The following DRC8 variants were observed in gnomAD, a reference collection of about 807,000 sequenced individuals.
The protein encoded by DRC8 is dynein regulatory complex subunit 8, also known as dynein regulatory complex protein 8.
chr1:245,096,697 GT>G, the DRC8 span, among the ~76,000 whole-genome samples: 1 of 152,236 alleles, frequency 6.6e-6, no homozygotes, highest in Non-Finnish European at 1.5e-5. Context: ...AACTGCAAAT[GT>G]TTTATGTGTT....
At chr1:245,002,284 C>T in the DRC8 span, 4 of 1,445,654 alleles carry the variant, frequency 2.8e-6, no homozygotes, top group South Asian at 4.9e-5. Context: ...GCTTAACCAT[C>T]TCTCTGCCTC....
chr1:245,064,898 G>A, the DRC8 span, among the ~76,000 whole-genome samples: 1 of 151,708 alleles, frequency 6.6e-6, no homozygotes, highest in Non-Finnish European at 1.5e-5. Context: ...GATTTACGTT[G>A]GTGTAAACAC....
At chr1:245,087,507 T>C in the DRC8 span, 1 of 1,372,448 alleles carries the variant, frequency 7.3e-7, no homozygotes, top group Non-Finnish European at 9.3e-7. Context: ...TTAAAGATGA[T>C]CGTAACACTT....
At chr1:245,098,228 C>T in the DRC8 span, among the ~76,000 whole-genome samples, 47 of 152,056 alleles carry the variant, frequency 3.1e-4, no homozygotes, top group Non-Finnish European at 6.5e-4. Context: ...GGGGGAAGAT[C>T]GAGAGTGTGG....
At chr1:245,110,616 A>G in the DRC8 span, among the ~76,000 whole-genome samples, 9 of 152,282 alleles carry the variant, frequency 5.9e-5, no homozygotes, top group African/African-American at 2.4e-5. Context: ...GCTGAGGGCC[A>G]GAGCAGGGCC....
the DRC8 span, among the ~76,000 whole-genome samples, chr1:245,019,861 A>G: frequency 1.3e-5 from 2 of 152,196 alleles, no homozygotes; most frequent in South Asian, 4.1e-4. Flanking sequence ...GCTGCTTGGG[A>G]GGCTGAGGCA....
chr1:245,082,954 C>T, the DRC8 span, among the ~76,000 whole-genome samples: 1 of 152,100 alleles, frequency 6.6e-6, no homozygotes, highest in African/African-American at 2.4e-5. Flanking sequence ...GATGATCTGC[C>T]CACCTCAGCC....
At chr1:245,050,122 C>T in the DRC8 span, among the ~76,000 whole-genome samples, 1 of 152,178 alleles carries the variant, frequency 6.6e-6, no homozygotes, top group Non-Finnish European at 1.5e-5. Context: ...AGGACTGTTC[C>T]TCCTGGAAGA....
At chr1:245,110,395 C>G in the DRC8 span, among the ~76,000 whole-genome samples, 1 of 145,508 alleles carries the variant, frequency 6.9e-6, no homozygotes, top group African/African-American at 2.6e-5. Flanking sequence ...AAAAACAAAA[C>G]AAAACAAAAC....
chr1:245,095,983 T>A, the DRC8 span, among the ~76,000 whole-genome samples: 1 of 152,332 alleles, frequency 6.6e-6, no homozygotes, highest in Non-Finnish European at 1.5e-5. Context: ...ATCTCATTGA[T>A]CTTTTAAAAA....
the DRC8 span, among the ~76,000 whole-genome samples, chr1:245,027,713 T>C: frequency 6.6e-6 from 1 of 152,204 alleles, no homozygotes. Context: ...TTTTTATTTT[T>C]ACACTGACAA....
chr1:245,079,765 G>A, the DRC8 span, among the ~76,000 whole-genome samples: 1 of 152,228 alleles, frequency 6.6e-6, no homozygotes. Context: ...AATTTCTGGA[G>A]TAATCAGAAT....
At chr1:245,099,261 G>C in the DRC8 span, among the ~76,000 whole-genome samples, 1 of 152,226 alleles carries the variant, frequency 6.6e-6, no homozygotes, top group South Asian at 2.1e-4. Flanking sequence ...GAGGAAACCA[G>C]TGAGAAGCTT....
the DRC8 span, among the ~76,000 whole-genome samples, chr1:244,978,479 G>A: frequency 3.7e-5 from 5 of 136,942 alleles, no homozygotes; most frequent in East Asian, 9.7e-4. Flanking sequence ...CAACAAGAGC[G>A]GAACTCCGTC....
the DRC8 span, among the ~76,000 whole-genome samples, chr1:245,027,117 T>C: frequency 1.8e-4 from 27 of 152,368 alleles, no homozygotes; most frequent in African/African-American, 6.5e-4. Flanking sequence ...ATATCTTATC[T>C]CTTTACCATC....
chr1:245,035,681 ACG>A, the DRC8 span, among the ~76,000 whole-genome samples: 2 of 120,210 alleles, frequency 1.7e-5, no homozygotes, highest in East Asian at 4.3e-4. Flanking sequence ...AGCCTGGCCA[ACG>A]TGGTGAAACC....
At chr1:245,083,364 G>T in the DRC8 span, 8 of 1,345,844 alleles carry the variant, frequency 5.9e-6, no homozygotes, top group African/African-American at 1.4e-5. Context: ...GTGCCAAAAG[G>T]GTTGGAGACT....
chr1:245,008,493 T>C, the DRC8 span, among the ~76,000 whole-genome samples: 2 of 152,156 alleles, frequency 1.3e-5, no homozygotes, highest in Non-Finnish European at 2.9e-5. Flanking sequence ...ATAGTTGTAC[T>C]CAATTCCTGA....
At chr1:245,120,939 A>C in the DRC8 span, among the ~76,000 whole-genome samples, 3 of 152,378 alleles carry the variant, frequency 2.0e-5, no homozygotes, top group Admixed American at 2.0e-4. Context: ...AAGACCGGAC[A>C]GTGGAGGTGT....
Sources: gnomAD v4.1 joint callset for allele counts (sites outside exome capture counted in the v4.1 genomes callset) on GRCh38, gnomAD v4.1.1 for gene constraint, MANE v1.5 for transcripts, NCBI Gene and HGNC (gene_info 2026-07-23, HGNC 2026-07-21) for gene names.